OPCML: variants seen among roughly 807,000 people sequenced by gnomAD.
OPCML encodes opioid-binding protein/cell adhesion molecule.
In OPCML, 13 loss-of-function variants were observed where a neutral mutation model predicts 37.8. That is an observed-to-expected ratio of 0.34 (90% CI 0.22 to 0.55). OPCML has a LOEUF of 0.55. Ranked by LOEUF, OPCML falls within the 20% of genes least tolerant of loss-of-function variation. The pLI is 0.91. For synonymous variants in OPCML, 176 were observed against 168.8 expected (o/e 1.04, Z -0.33); for missense variants, 341 against 435.6 (o/e 0.78, Z 1.93).
intron 1 of OPCML, among the ~76,000 whole-genome samples, chr11:133,073,665 T>C (rs1591976112): frequency 1.3e-5 from 2 of 152,258 alleles, no homozygotes; most frequent in African/African-American, 4.8e-5. Context: ...TCTCAGTAAA[T>C]AGGTAGCAAA....
chr11:133,462,750 A>C (rs546567026), intron 1 of OPCML, among the ~76,000 whole-genome samples: 1 of 152,312 alleles, frequency 6.6e-6, no homozygotes, highest in South Asian at 2.1e-4. Context: ...ACAATGGTGC[A>C]TCCACTGTGG....
At position 133,140,704 on chromosome 11, in the gene OPCML, A is replaced by G. The variant is rs1025440745; in HGVS notation, c.62-197694T>C. 1.1e-4 allele frequency among the ~76,000 whole-genome samples: 4 copies of G among 35,682 alleles called. No homozygotes were observed. In the Admixed American group the frequency reaches 1.9e-3, roughly 17 times the overall value. The allele number at this position is 35,682 out of a possible 152,430, so 23.4% of individuals were successfully genotyped here. ...AAGAAAGATGGAAGACGGAAGAAGA[A>G]GACGGAAGACGAAGACGGAAGACGA... On this transcript the variant is annotated intron_variant, in intron 1 of 7. Coordinates refer to ENST00000524381, the MANE Select transcript of OPCML (RefSeq NM_001012393.5).
At chr11:133,168,730 C>G (rs1394279168) in intron 1 of OPCML, among the ~76,000 whole-genome samples, 3 of 152,168 alleles carry the variant, frequency 2.0e-5, no homozygotes, top group Admixed American at 2.0e-4. Flanking sequence ...ACCACTCATA[C>G]CCAGCATGCC....
chr11:133,199,272 A>C (rs181529786), intron 1 of OPCML, among the ~76,000 whole-genome samples: 2 of 152,152 alleles, frequency 1.3e-5, no homozygotes, highest in Non-Finnish European at 2.9e-5. Context: ...TCTTGCTTAA[A>C]ATTAGCTCTG....
intron 1 of OPCML, among the ~76,000 whole-genome samples, chr11:133,156,057 G>A (rs926879409): frequency 2.6e-5 from 4 of 152,138 alleles, no homozygotes; most frequent in Non-Finnish European, 5.9e-5. Flanking sequence ...CATTGTCTTT[G>A]CCGTTAACGA....
chr11:132,816,508 A>G (rs1469967752), intron 2 of OPCML, among the ~76,000 whole-genome samples: 2 of 152,180 alleles, frequency 1.3e-5, no homozygotes. Context: ...AAGTACAAAA[A>G]CATTCTTATT....
At chr11:132,869,411 G>C (rs576379784) in intron 2 of OPCML, among the ~76,000 whole-genome samples, 2 of 152,156 alleles carry the variant, frequency 1.3e-5, no homozygotes, top group Non-Finnish European at 2.9e-5. Context: ...ACAGAGCAAA[G>C]TGAGAGCAGT....
At chr11:133,140,609 A>G (rs143064089) in intron 1 of OPCML, among the ~76,000 whole-genome samples, 3,851 of 147,792 alleles carry the variant, frequency 0.026, 76 homozygotes, top group Non-Finnish European at 0.039. Context: ...AAGAAGAAAG[A>G]GAAGAAGAGG....
intron 1 of OPCML, among the ~76,000 whole-genome samples, chr11:133,032,984 A>G (rs7939015): frequency 0.027 from 4,179 of 152,282 alleles, 180 homozygotes; most frequent in African/African-American, 0.095. Flanking sequence ...CTACATTAAT[A>G]TAATTAGTCT....
intron 1 of OPCML, among the ~76,000 whole-genome samples, chr11:133,105,414 G>T (rs80280924): frequency 0.024 from 3,713 of 152,286 alleles, 137 homozygotes; most frequent in African/African-American, 0.08. Flanking sequence ...GGTATAGGTT[G>T]ATTTAATCAT....
chr11:132,554,415 G>A (rs2096389597), intron 3 of OPCML, among the ~76,000 whole-genome samples: 1 of 152,218 alleles, frequency 6.6e-6, no homozygotes. Context: ...TCTCAGGGCA[G>A]GAGAAAATGA....
chr11:132,500,522 G>A lies in OPCML; in HGVS notation c.505+28539C>T, dbSNP rs1344745360. Among the ~76,000 whole-genome samples the A allele has an allele frequency of 5.3e-5, 8 of 152,122 alleles. 1 individual carries two copies. In the South Asian group the frequency reaches 1.7e-3, roughly 32 times the overall value. On this transcript the variant is annotated intron_variant, in intron 4 of 7. Coordinates refer to ENST00000524381, the MANE Select transcript of OPCML (RefSeq NM_001012393.5). ...ATGGTCCTTTGTCTTGTTTTCTGGT[G>A]TCTTTACATGCTGTAAATCCACATG... is the stretch of plus-strand genomic sequence containing the variant.
At chr11:132,570,801 ATTT>A (rs1249050453) in intron 3 of OPCML, among the ~76,000 whole-genome samples, 3,688 of 102,958 alleles carry the variant, frequency 0.036, 235 homozygotes, top group Middle Eastern at 0.064. Context: ...ATATATATAT[ATTT>A]AGAGAGAGAG....
At chr11:133,443,422 G>A (rs1005535328) in intron 1 of OPCML, among the ~76,000 whole-genome samples, 7 of 152,222 alleles carry the variant, frequency 4.6e-5, no homozygotes, top group South Asian at 4.1e-4. Flanking sequence ...ACACAAGGCT[G>A]ATCCTGAAGT....
intron 1 of OPCML, among the ~76,000 whole-genome samples, chr11:133,002,959 G>T (rs1344139095): frequency 1.3e-5 from 2 of 151,966 alleles, no homozygotes; most frequent in Non-Finnish European, 2.9e-5. Context: ...TCATATCAGT[G>T]GGGGGAAAAA....
chr11:132,768,999 T>C (rs1400581968), intron 2 of OPCML, among the ~76,000 whole-genome samples: 1 of 152,104 alleles, frequency 6.6e-6, no homozygotes, highest in Admixed American at 6.5e-5. Context: ...TATGAACAAT[T>C]GAGCCTCTCC....
At chr11:132,531,407 A>T (rs560337205) in intron 3 of OPCML, among the ~76,000 whole-genome samples, 3 of 152,362 alleles carry the variant, frequency 2.0e-5, no homozygotes, top group African/African-American at 7.2e-5. Flanking sequence ...AAACAGGTAC[A>T]GTGCAAGTCA....
rs59235485 is a variant in OPCML, at chr11:132,660,221, A to G, written c.147-2902T>C. Among the ~76,000 whole-genome samples the G allele has an allele frequency of 1.1e-3, 171 of 152,254 alleles. 1 individual carries two copies. The East Asian group carries it at 0.032, about 29-fold the overall frequency. ...GGAGTTCAGGATCAATTCTATTCCTACTTTTGCTTTTAGAGAAACCTTGTT... is the reference window on the plus strand; with the variant it reads ...GGAGTTCAGGATCAATTCTATTCCTGCTTTTGCTTTTAGAGAAACCTTGTT... On this transcript the variant is annotated intron_variant, in intron 2 of 7. Coordinates refer to ENST00000524381, the MANE Select transcript of OPCML (RefSeq NM_001012393.5).
chr11:133,463,365 G>T (rs1237802692), intron 1 of OPCML, among the ~76,000 whole-genome samples: 1 of 152,038 alleles, frequency 6.6e-6, no homozygotes, highest in Non-Finnish European at 1.5e-5. Flanking sequence ...TGATGCCACT[G>T]AAGTGTACAC....
Sources: gnomAD v4.1 joint callset for allele counts (sites outside exome capture counted in the v4.1 genomes callset) on GRCh38, gnomAD v4.1.1 for gene constraint, MANE v1.5 for transcripts, NCBI Gene and HGNC (gene_info 2026-07-23, HGNC 2026-07-21) for gene names.